AGBL1: variants seen among roughly 807,000 people sequenced by gnomAD.
The protein encoded by AGBL1 is cytosolic carboxypeptidase 4.
A neutral mutation model predicts 118.9 loss-of-function variants in AGBL1; 130 were observed. That is an observed-to-expected ratio of 1.09 (90% confidence interval 0.95 to 1.26). The LOEUF is 1.26. AGBL1 is among the 50% of genes most tolerant of loss of function. The pLI, the probability that AGBL1 is intolerant of heterozygous loss-of-function variation, is 0.00. For synonymous variants in AGBL1, 555 were observed against 478.9 expected (o/e 1.16, Z -2.08); for missense variants, 1,584 against 1,298.1 (o/e 1.22, Z -3.38).
At chr15:86,445,202 C>A (rs977784504) in intron 18 of AGBL1, among the ~76,000 whole-genome samples, 1 of 152,212 alleles carries the variant, frequency 6.6e-6, no homozygotes, top group Non-Finnish European at 1.5e-5. Context: ...TGGGGGAGAG[C>A]AGCCCACTGG....
chr15:86,475,631 C>G (rs567462036), intron 18 of AGBL1, among the ~76,000 whole-genome samples: 13 of 152,268 alleles, frequency 8.5e-5, no homozygotes, highest in African/African-American at 3.1e-4. Flanking sequence ...GAGAATGGAA[C>G]CAAGTTGGAA....
chr15:86,140,752 C>A (rs368448734), intron 1 of AGBL1, among the ~76,000 whole-genome samples: 4 of 151,862 alleles, frequency 2.6e-5, no homozygotes, highest in Admixed American at 6.6e-5. Context: ...AGGAAAAGTG[C>A]GGCTGGAAGA....
At chr15:86,726,682 C>T (rs2086823441) in intron 22 of AGBL1, among the ~76,000 whole-genome samples, 1 of 152,152 alleles carries the variant, frequency 6.6e-6, no homozygotes, top group Admixed American at 6.5e-5. Flanking sequence ...CTACCTCAGA[C>T]TCCTGAGTAG....
intron 22 of AGBL1, among the ~76,000 whole-genome samples, chr15:86,858,372 C>T (rs947840429): frequency 4.6e-5 from 7 of 152,062 alleles, no homozygotes; most frequent in African/African-American, 1.7e-4. Context: ...TCCTTTAACA[C>T]TATGCTGGGC....
intron 22 of AGBL1, among the ~76,000 whole-genome samples, chr15:86,903,088 T>A (rs1425360326): frequency 3.9e-5 from 6 of 152,070 alleles, no homozygotes; most frequent in African/African-American, 9.6e-5. Context: ...TATTTTTTTT[T>A]AAAGTCTATT....
chr15:86,961,232 TACTA>T (rs1418393814), intron 23 of AGBL1, among the ~76,000 whole-genome samples: 2 of 151,980 alleles, frequency 1.3e-5, no homozygotes, highest in African/African-American at 4.8e-5. Context: ...TTGTCACTAA[TACTA>T]AATAAAGCTC....
At chr15:86,118,059 A>G (rs1897869990) in intron 1 of AGBL1, among the ~76,000 whole-genome samples, 1 of 152,198 alleles carries the variant, frequency 6.6e-6, no homozygotes, top group South Asian at 2.1e-4. Context: ...ATTTCTTGTT[A>G]CACTGACATT....
chr15:86,573,730 G>A (rs370443973), intron 21 of AGBL1, among the ~76,000 whole-genome samples: 1 of 152,236 alleles, frequency 6.6e-6, no homozygotes, highest in East Asian at 1.9e-4. Flanking sequence ...ATGCTGAAAT[G>A]TACTGCTGGT....
At chr15:86,314,007 T>C (rs962260271) in intron 17 of AGBL1, among the ~76,000 whole-genome samples, 8 of 152,330 alleles carry the variant, frequency 5.3e-5, no homozygotes, top group Admixed American at 1.3e-4. Context: ...ATGGGTGATA[T>C]CAGAATCATA....
At chr15:86,578,799 T>C (rs2084133744) in intron 21 of AGBL1, among the ~76,000 whole-genome samples, 1 of 152,208 alleles carries the variant, frequency 6.6e-6, no homozygotes, top group Non-Finnish European at 1.5e-5. Context: ...CTCCTTGCCT[T>C]TCACCATGAC....
At chr15:86,966,371 A>G (rs192563261) in intron 23 of AGBL1, among the ~76,000 whole-genome samples, 41 of 151,398 alleles carry the variant, frequency 2.7e-4, no homozygotes, top group Non-Finnish European at 5.4e-4. Context: ...CATGGGCACA[A>G]TATGCAGGTT....
chr15:86,695,494 G>T (rs180798642), intron 22 of AGBL1, among the ~76,000 whole-genome samples: 94 of 151,852 alleles, frequency 6.2e-4, no homozygotes, highest in Non-Finnish European at 1.2e-3. Flanking sequence ...TCTTTTCTTG[G>T]TTGATCTTGC....
chr15:86,350,831 C>T (rs7168270), intron 17 of AGBL1, among the ~76,000 whole-genome samples: 2 of 152,178 alleles, frequency 1.3e-5, no homozygotes, highest in Non-Finnish European at 2.9e-5. Context: ...TATACTCTGG[C>T]AGCTTCTCTG....
chr15:86,208,713 C>A (rs752827831), intron 5 of AGBL1, among the ~76,000 whole-genome samples: 4 of 151,936 alleles, frequency 2.6e-5, no homozygotes, highest in Non-Finnish European at 5.9e-5. Context: ...TCTCTCTTTT[C>A]TTCTTTATTA....
In AGBL1 at chr15:86,142,084, C is replaced by G; in HGVS notation, c.115+17C>G. On this transcript the variant is annotated intron_variant, in intron 2 of 22. Coordinates refer to ENST00000614907, the MANE Select transcript of AGBL1 (RefSeq NM_001386094.1). The stretch of plus-strand genomic sequence containing the variant: ...TTTCTGTTGGTGAGTAGGCCATGCT[C>G]TCATGCTTTCATATGGCGGATGTGG... 2 of 1,549,492 alleles carry G rather than the reference C, an allele frequency of 1.3e-6. No homozygotes were observed. The highest frequency in any genetic ancestry group is 1.7e-6 in the Non-Finnish European group (2 of 1,146,432).
At chr15:86,633,815 T>TATATATATATA (rs2085025277) in intron 21 of AGBL1, among the ~76,000 whole-genome samples, 4 of 4,972 alleles carry the variant, frequency 8.0e-4, no homozygotes, top group South Asian at 0.015. Flanking sequence ...ATATATAATG[T>TATATATATATA]ATGTATATAT....
intron 21 of AGBL1, among the ~76,000 whole-genome samples, chr15:86,635,574 G>A (rs1337681836): frequency 6.6e-6 from 1 of 151,894 alleles, no homozygotes; most frequent in African/African-American, 2.4e-5. Flanking sequence ...GGATCCTGAT[G>A]TATTTGAGAG....
In AGBL1 at chr15:86,470,795, T is replaced by C. The variant is rs551637172; in HGVS notation, c.2556-52015T>C. On this transcript the variant is annotated intron_variant, in intron 18 of 22. Coordinates refer to ENST00000614907, the MANE Select transcript of AGBL1 (RefSeq NM_001386094.1). The stretch of plus-strand genomic sequence containing the variant: ...AGTGTTTTTTTAATGCTATTGTAAA[T>C]GGGATTGTTTGATTGATTTTGGGGG... Among the ~76,000 whole-genome samples, 6 of 152,230 alleles carry C rather than the reference T, an allele frequency of 3.9e-5. No individual in the cohort carries two copies. The South Asian group carries it at 1.2e-3, about 32-fold the overall frequency.
chr15:86,677,087 C>T (rs1188355527), intron 22 of AGBL1, among the ~76,000 whole-genome samples: 1 of 152,144 alleles, frequency 6.6e-6, no homozygotes, highest in African/African-American at 2.4e-5. Context: ...ACAGCATTAA[C>T]TCCTTGGGAG....
Sources: allele counts gnomAD v4.1 joint callset (sites outside exome capture counted in the v4.1 genomes callset), GRCh38; gene constraint gnomAD v4.1.1; transcripts MANE v1.5; gene names NCBI Gene and HGNC (gene_info 2026-07-23, HGNC 2026-07-21).